The following MAK variants were observed in gnomAD, a reference collection of about 807,000 sequenced individuals.
MAK encodes male germ cell associated kinase.
In MAK, 65 loss-of-function variants were observed where a neutral mutation model predicts 82.6. The observed-to-expected ratio is 0.79, with a 90% CI of 0.64 to 0.97. The LOEUF (loss-of-function observed/expected upper bound fraction) is 0.97. Among genes scored for constraint, MAK ranks in the 50% least tolerant of loss-of-function variants. The pLI is 0.00. For synonymous variants in MAK, 250 were observed against 274.2 expected, an observed-to-expected ratio of 0.91 and a Z score of 0.87; for missense variants, 703 against 780.2, an observed-to-expected ratio of 0.90 and a Z score of 1.18.
At chr6:10,778,128 G>A (rs919719322) in intron 11 of MAK, among the ~76,000 whole-genome samples, 1 of 152,066 alleles carries the variant, frequency 6.6e-6, no homozygotes, top group African/African-American at 2.4e-5. Context: ...TGCCTCAAAG[G>A]ACATAAAAAA....
Position 10,791,811 on chromosome 6 carries a change from T to A in MAK, c.1180A>T (p.Arg394Trp). 1 of 1,614,142 alleles carries A rather than the reference T, an allele frequency of 6.2e-7. No individual in the cohort carries two copies. Residue 394 changes from arginine to tryptophan, a missense_variant, in exon 10 of 15, where the codon AGG (arginine) becomes TGG (tryptophan). Physicochemically the swap from Arg to Trp is moderately radical, Grantham distance 101 (BLOSUM62 -3). Transcript: ENST00000354489. ...TTGAAGATAGTCTGACCCCAACGCCTCCTACCACTTTTATGACTCAGTGTG... is the reference window on the plus strand; with the variant it reads ...TTGAAGATAGTCTGACCCCAACGCCACCTACCACTTTTATGACTCAGTGTG... ...NGTLSHKSGR[R>W]RWGQTIFKSG...
intron 2 of MAK, among the ~76,000 whole-genome samples, chr6:10,826,924 C>T (rs1435430779): frequency 1.3e-5 from 2 of 152,070 alleles, no homozygotes; most frequent in Non-Finnish European, 1.5e-5. Flanking sequence ...CCAGCCTGAC[C>T]AACATGGAGA....
At chr6:10,783,098 C>T (rs572650740) in intron 11 of MAK, among the ~76,000 whole-genome samples, 6 of 152,038 alleles carry the variant, frequency 3.9e-5, no homozygotes, top group Admixed American at 2.0e-4. Context: ...GTGGCCCACT[C>T]GTGTTTAGAA....
intron 8 of MAK, chr6:10,797,852 C>G: frequency 3.1e-6 from 4 of 1,285,212 alleles, no homozygotes; most frequent in Non-Finnish European, 4.0e-6. Context: ...TTAGGTCTTT[C>G]CACTTCCACT....
At chr6:10,770,441 A>G (rs1405958690) in intron 13 of MAK, among the ~76,000 whole-genome samples, 1 of 152,154 alleles carries the variant, frequency 6.6e-6, no homozygotes, top group Non-Finnish European at 1.5e-5. Flanking sequence ...TGGCTCTCCA[A>G]TGTTGAGTAA....
At chr6:10,786,305 T>C (rs765772289) in intron 10 of MAK, among the ~76,000 whole-genome samples, 33 of 152,292 alleles carry the variant, frequency 2.2e-4, no homozygotes, top group Non-Finnish European at 4.1e-4. Context: ...CATGTTAGTA[T>C]TTGGTACTCT....
chr6:10,819,441 C>T lies in MAK; in HGVS notation c.102-501G>A, dbSNP rs187437350. The stretch of plus-strand genomic sequence containing the variant: ...GGTCAGGAGTTCAAGACCATCCTGG[C>T]TAACATGGTGAAACCCCGTCTCTAC... On this transcript the variant is annotated intron_variant, in intron 2 of 14. Transcript: ENST00000354489. Among the ~76,000 whole-genome samples, 281 of 152,118 alleles carry T rather than the reference C, an allele frequency of 1.8e-3. 2 individuals are homozygous for T. Among genetic ancestry groups the T allele is most frequent in the African/African-American group, 6.6e-3 (274 of 41,506 alleles).
At chr6:10,798,240 G>A (rs1299808979) in intron 8 of MAK, among the ~76,000 whole-genome samples, 6 of 149,076 alleles carry the variant, frequency 4.0e-5, no homozygotes, top group Admixed American at 3.4e-4. Flanking sequence ...TCAGCCTCCC[G>A]AGTAGCTGGG....
chr6:10,796,393 G>A (rs967018532), intron 8 of MAK, 84 bp from the exon 9 acceptor site: 1 of 1,147,738 alleles, frequency 8.7e-7, no homozygotes, highest in African/African-American at 1.5e-5. Context: ...CCCTGTGCGA[G>A]GCATTTATCA....
At chr6:10,824,488 C>G (rs930848772) in intron 2 of MAK, among the ~76,000 whole-genome samples, 7 of 152,212 alleles carry the variant, frequency 4.6e-5, no homozygotes, top group East Asian at 1.9e-4. Context: ...CCACTACACT[C>G]TCAAGATCAC....
At chr6:10,770,351 C>A in intron 13 of MAK, 121 bp from the exon 14 acceptor site, 3 of 1,037,172 alleles carry the variant, frequency 2.9e-6, no homozygotes, top group South Asian at 2.7e-5. Context: ...ATGTTTTAGG[C>A]ACTGAGCTGC....
chr6:10,836,688 AAC>A (rs1402939100), intron 1 of MAK, among the ~76,000 whole-genome samples: 1 of 152,210 alleles, frequency 6.6e-6, no homozygotes, highest in African/African-American at 2.4e-5. Context: ...GGAATATATT[AAC>A]ACAGTTTCTT....
intron 6 of MAK, among the ~76,000 whole-genome samples, chr6:10,805,730 C>G (rs1014822631): frequency 6.6e-6 from 1 of 152,162 alleles, no homozygotes; most frequent in Non-Finnish European, 1.5e-5. Flanking sequence ...TAAGTGAGAA[C>G]TTACTATACT....
intron 5 of MAK, among the ~76,000 whole-genome samples, chr6:10,812,419 AACT>A (rs1286627400): frequency 6.6e-6 from 1 of 152,194 alleles, no homozygotes; most frequent in East Asian, 1.9e-4. Flanking sequence ...AGATATGAAA[AACT>A]ACATTAATTG....
intron 2 of MAK, among the ~76,000 whole-genome samples, chr6:10,828,107 T>C (rs956021140): frequency 1.3e-5 from 2 of 152,244 alleles, no homozygotes; most frequent in Non-Finnish European, 2.9e-5. Context: ...TTGTATATTA[T>C]ATATTTACTT....
intron 10 of MAK, among the ~76,000 whole-genome samples, chr6:10,791,455 C>T (rs747725334): frequency 3.3e-5 from 5 of 151,896 alleles, no homozygotes; most frequent in Admixed American, 6.6e-5. Context: ...TTAGTAGAGA[C>T]GGGGTTTCAC....
chr6:10,818,928 C>T lies in MAK; in HGVS notation c.114G>A (p.Lys38=). The part of the protein sequence containing the change: ...ELVAIKRMKR[K]FYSWDECMNL... ...TCATGCATTCATCCCAAGAATAGAA[C>T]TTTCTCTTCATCCTAAAATAAATTA... The change falls in exon 3 of 15, where the codon AAG becomes AAA. Residue 38 remains lysine, a synonymous_variant. Transcript: ENST00000354489. 2 of 1,578,372 alleles carry T rather than the reference C, an allele frequency of 1.3e-6. No homozygotes were observed. Among genetic ancestry groups the T allele is most frequent in the Non-Finnish European group, 1.7e-6 (2 of 1,148,522 alleles).
chr6:10,808,840 G>A lies in MAK; in HGVS notation c.461C>T (p.Pro154Leu). The A allele has an allele frequency of 5.6e-6, 9 of 1,613,850 alleles. No individual in the cohort carries two copies. The highest frequency in any genetic ancestry group is 6.8e-6 in the Non-Finnish European group (8 of 1,179,904). Reference sequence around the variant, plus strand: ...GGTAGATACATAATCAGTGTATGGTGGCTGTGACCTTAATTCTCTTGCAAG... The same window carrying A: ...GGTAGATACATAATCAGTGTATGGTAGCTGTGACCTTAATTCTCTTGCAAG... Reference protein sequence around the residue: ...FGLARELRSQPPYTDYVSTRW... With the variant: ...FGLARELRSQLPYTDYVSTRW... The change falls in exon 6 of 15, where the codon CCA becomes CTA. Residue 154 changes from proline (P) to leucine (L), a missense_variant. Pro to Leu is a moderately conservative substitution (Grantham distance 98). Coordinates refer to ENST00000354489, the MANE Select transcript of MAK (RefSeq NM_001242957.3).
intron 10 of MAK, among the ~76,000 whole-genome samples, chr6:10,788,940 T>G (rs566280370): frequency 6.6e-6 from 1 of 152,210 alleles, no homozygotes; most frequent in Admixed American, 6.5e-5. Context: ...TTTTATAAGA[T>G]GAAATATTGT....
Sources: gnomAD v4.1 joint callset for allele counts (sites outside exome capture counted in the v4.1 genomes callset) on GRCh38, gnomAD v4.1.1 for gene constraint, MANE v1.5 for transcripts, NCBI Gene and HGNC (gene_info 2026-07-23, HGNC 2026-07-21) for gene names.